Variants in PDPR observed in about 807,000 individuals in gnomAD.
PDPR encodes the protein pyruvate dehydrogenase phosphatase regulatory subunit.
PDPR carries 50 observed loss-of-function variants against 102.2 expected under a neutral mutation model. The observed-to-expected ratio is 0.49, with a 90% CI of 0.39 to 0.62. The LOEUF (loss-of-function observed/expected upper bound fraction) is 0.62, where lower values mean the gene tolerates loss of function less well. PDPR is among the 20% of genes least tolerant of loss of function. The pLI is 0.00. For synonymous variants in PDPR, 259 were observed against 406.0 expected, an observed-to-expected ratio of 0.64 and a Z score of 4.35; for missense variants, 625 against 1,098.2, an observed-to-expected ratio of 0.57 and a Z score of 6.09.
At chr16:70,134,961 C>T (rs960386240) in intron 9 of PDPR, among the ~76,000 whole-genome samples, 5 of 152,170 alleles carry the variant, frequency 3.3e-5, no homozygotes, top group African/African-American at 1.2e-4. Context: ...CAGTGGCTTA[C>T]ACCTGTAATT....
rs1016635830 is a variant in PDPR at position 70,159,855 on chromosome 16, A to T, written c.*2976A>T. On this transcript the variant is annotated 3_prime_UTR_variant, in exon 19 of 19. Transcript: ENST00000288050. ...AGGGACAACCACAGCCTCCTCATCC[A>T]TGTGTCATTTCCAAGGGTTTGCCTT... The T allele has an allele frequency of 6.5e-6, 1 of 153,128 alleles. No homozygotes were observed. Among genetic ancestry groups the T allele is most frequent in the African/African-American group, 2.4e-5 (1 of 41,500 alleles). The allele number at this position is 153,128 out of a possible 1,614,324, so 9.5% of individuals were successfully genotyped here.
chr16:70,156,345 C>A, intron 18 of PDPR, 130 bp from the exon 19 acceptor site: 1 of 1,140,644 alleles, frequency 8.8e-7, no homozygotes, highest in African/African-American at 1.6e-5. Flanking sequence ...TTCCCAAAAG[C>A]TGGCAGGGTT....
At chr16:70,135,030 C>T (rs1351018487) in intron 9 of PDPR, among the ~76,000 whole-genome samples, 16 of 152,292 alleles carry the variant, frequency 1.1e-4, no homozygotes, top group African/African-American at 3.8e-4. Context: ...TGAAGACCAG[C>T]CTGGGCAACA....
intron 18 of PDPR, among the ~76,000 whole-genome samples, chr16:70,156,096 T>C (rs1017822993): frequency 1.3e-5 from 2 of 152,200 alleles, no homozygotes; most frequent in Non-Finnish European, 2.9e-5. Flanking sequence ...GCCTCATCTC[T>C]GTTCAAGGCG....
At chr16:70,128,419 G>A (rs1428425571) in intron 4 of PDPR, among the ~76,000 whole-genome samples, 3 of 152,210 alleles carry the variant, frequency 2.0e-5, no homozygotes, top group South Asian at 4.1e-4. Context: ...GTAGAGACAG[G>A]GTTTCACCAT....
chr16:70,151,683 T>C (rs1009643000), intron 17 of PDPR, among the ~76,000 whole-genome samples: 1 of 152,280 alleles, frequency 6.6e-6, no homozygotes, highest in African/African-American at 2.4e-5. Context: ...GGCCTTGGTT[T>C]CAGCTTTCTG....
chr16:70,142,713 T>C (rs376222064), intron 13 of PDPR, 27 bp downstream of exon 13: 16 of 1,613,686 alleles, frequency 9.9e-6, no homozygotes, highest in Non-Finnish European at 1.4e-5. Flanking sequence ...CAAAAAGTAA[T>C]AGATTAGGAA....
At chr16:70,148,745 CTAAGTTATA>C (rs1309905160) in intron 17 of PDPR, among the ~76,000 whole-genome samples, 192 bp downstream of exon 17, 1 of 152,240 alleles carries the variant, frequency 6.6e-6, no homozygotes. Context: ...CCATTTTTAA[CTAAGTTATA>C]TAAGTTTTTT....
intron 17 of PDPR, among the ~76,000 whole-genome samples, chr16:70,150,143 C>G (rs1035115403): frequency 3.5e-5 from 5 of 141,298 alleles, no homozygotes; most frequent in African/African-American, 1.3e-4. Context: ...CACACTTGTC[C>G]CCCAGGCTGG....
chr16:70,135,953 G>A (rs1453886720), intron 9 of PDPR, among the ~76,000 whole-genome samples: 6 of 152,150 alleles, frequency 3.9e-5, no homozygotes, highest in African/African-American at 1.2e-4. Flanking sequence ...CCTGTAATCC[G>A]AGCTAATTGG....
At chr16:70,139,561 T>C (rs1378427598) in intron 11 of PDPR, among the ~76,000 whole-genome samples, 1 of 152,270 alleles carries the variant, frequency 6.6e-6, no homozygotes, top group Non-Finnish European at 1.5e-5. Flanking sequence ...CCACTTCCCA[T>C]ATAAATACAA....
chr16:70,153,674 G>A (rs1157806645), intron 18 of PDPR, 101 bp downstream of exon 18: 16 of 1,272,576 alleles, frequency 1.3e-5, no homozygotes, highest in African/African-American at 1.5e-5. Context: ...AGGGGGAAAA[G>A]ATTGAGGCCT....
chr16:70,152,841 G>C (rs1327728844), intron 17 of PDPR, among the ~76,000 whole-genome samples: 1 of 152,284 alleles, frequency 6.6e-6, no homozygotes, highest in African/African-American at 2.4e-5. Flanking sequence ...AGAGCAGCTT[G>C]AGAGCCTGAA....
chr16:70,123,533 T>G (rs1459391130), intron 3 of PDPR, among the ~76,000 whole-genome samples: 1 of 152,282 alleles, frequency 6.6e-6, no homozygotes, highest in Non-Finnish European at 1.5e-5. Context: ...CCGCCACACT[T>G]GGCCTCATAA....
At position 70,134,827 on chromosome 16, in the gene PDPR, C is replaced by A. The variant is rs377144845; in HGVS notation, c.998-1367C>A. Among the ~76,000 whole-genome samples, 10 of 152,118 alleles carry A rather than the reference C, an allele frequency of 6.6e-5. No homozygotes were observed. In the East Asian group the frequency reaches 1.4e-3, roughly 21 times the overall value. ...ATAATAATAATATAGTTACCTAGTT[C>A]CAAATTTAAAAAGATGAAAGAGTCT... On this transcript the variant is annotated intron_variant, in intron 9 of 18. Coordinates refer to ENST00000288050, the MANE Select transcript of PDPR (RefSeq NM_017990.5).
chr16:70,156,775 G>T lies in PDPR; in HGVS notation c.2536G>T (p.Gly846Ter). The change falls in exon 19 of 19, where the codon GGA (glycine) becomes TGA (stop). Residue 846 changes from glycine to a stop codon, truncating the protein, a stop_gained. Transcript: ENST00000288050. LOFTEE classifies it high-confidence loss of function. ...GGGAGAGTATGAGATTGACATCGCG[G>T]GATACCGCTTCCAGGCCAAGGCCAA... Reference protein sequence around the residue: ...NRGEYEIDIAGYRFQAKAKLY... With the variant: ...NRGEYEIDIA 3 of 1,614,094 alleles carry T rather than the reference G, an allele frequency of 1.9e-6. No homozygotes were observed. The highest frequency in any genetic ancestry group is 1.7e-4 in the Middle Eastern group (1 of 6,060).
Position 70,157,387 on chromosome 16 carries a change from T to A in PDPR, c.*508T>A. On this transcript the variant is annotated 3_prime_UTR_variant, in exon 19 of 19. Coordinates refer to ENST00000288050, the MANE Select transcript of PDPR (RefSeq NM_017990.5). Reference sequence around the variant, plus strand: ...CCGGCAGCTCGTTCTCCTGTTCTGCTGTGCTGTGGGCTGGCACTCGATACC... The same window carrying A: ...CCGGCAGCTCGTTCTCCTGTTCTGCAGTGCTGTGGGCTGGCACTCGATACC... 1 of 365,420 alleles carries A rather than the reference T, an allele frequency of 2.7e-6. No homozygotes were observed. Among genetic ancestry groups the A allele is most frequent in the South Asian group, 2.1e-5 (1 of 48,382 alleles). 22.6% of individuals were successfully genotyped at this position (365,420 alleles called of 1,614,324 possible). A position where few individuals can be genotyped will look rare whatever the true frequency, so the allele number is the denominator to read the frequency against.
intron 9 of PDPR, among the ~76,000 whole-genome samples, chr16:70,133,592 A>G (rs1446662812): frequency 6.7e-6 from 1 of 149,066 alleles, no homozygotes; most frequent in Non-Finnish European, 1.5e-5. Flanking sequence ...TAGTTTATGT[A>G]TTTTTAGTAG....
At chr16:70,155,587 T>C (rs1283619108) in intron 18 of PDPR, among the ~76,000 whole-genome samples, 1 of 152,198 alleles carries the variant, frequency 6.6e-6, no homozygotes, top group East Asian at 1.9e-4. Flanking sequence ...ATGGGGTTTC[T>C]CCAGGTTGGT....
Sources: gnomAD v4.1 joint callset for allele counts (sites outside exome capture counted in the v4.1 genomes callset) on GRCh38, gnomAD v4.1.1 for gene constraint, MANE v1.5 for transcripts, NCBI Gene and HGNC (gene_info 2026-07-23, HGNC 2026-07-21) for gene names.